FAT3: variants seen among roughly 807,000 people sequenced by gnomAD.
FAT3 encodes the protein FAT atypical cadherin 3.
FAT3 carries 95 observed loss-of-function variants against 310.2 expected under a neutral mutation model. The observed-to-expected ratio is 0.31, with a 90% CI of 0.26 to 0.36. The LOEUF is 0.36. Ranked by LOEUF, FAT3 falls within the 10% of genes least tolerant of loss-of-function variation. The pLI, the probability that FAT3 is intolerant of heterozygous loss-of-function variation, is 1.00. For missense variants in FAT3, 5,408 were observed against 5,715.6 expected (o/e 0.95, Z 1.74); for synonymous variants, 2,314 against 2,192.9 (o/e 1.06, Z -1.54).
At chr11:92,377,088 A>T (rs777188239) in intron 2 of FAT3, among the ~76,000 whole-genome samples, 53 of 152,216 alleles carry the variant, frequency 3.5e-4, no homozygotes, top group Non-Finnish European at 6.8e-4. Flanking sequence ...AGACCTGTAC[A>T]GTCTGTACGT....
At position 92,805,303 on chromosome 11, in the gene FAT3, A is replaced by G. The variant is rs1417191708; in HGVS notation, c.9047A>G (p.Glu3016Gly). ...CTTTTTGTCACACAGGCCATGGTGG[A>G]AGTGAGCGTCAGTGATGTGAATGAC... ...DGLFVTQAMV[E>G]VSVSDVNDNS... The change falls in exon 11 of 28, where the codon GAA becomes GGA. Residue 3016 changes from glutamate to glycine, a missense_variant. Physicochemically the swap from Glu to Gly is moderately conservative, Grantham distance 98. Coordinates refer to ENST00000525166, the MANE Select transcript of FAT3 (RefSeq NM_001367949.2). 3 of 1,613,668 alleles carry G rather than the reference A, an allele frequency of 1.9e-6. No homozygotes were observed. The highest frequency in any genetic ancestry group is 2.5e-6 in the Non-Finnish European group (3 of 1,179,816).
intron 22 of FAT3, among the ~76,000 whole-genome samples, chr11:92,874,374 A>G (rs954484405): frequency 2.6e-5 from 4 of 152,310 alleles, no homozygotes; most frequent in East Asian, 1.9e-4. Context: ...AAAATTGTCC[A>G]TCTCACTGTA....
intron 3 of FAT3, among the ~76,000 whole-genome samples, chr11:92,695,509 C>T (rs1943912165): frequency 1.3e-5 from 2 of 152,062 alleles, no homozygotes; most frequent in East Asian, 3.9e-4. Context: ...TATGAGTACA[C>T]ATGTCACACA....
intron 3 of FAT3, among the ~76,000 whole-genome samples, chr11:92,527,192 G>A (rs1165229977): frequency 2.0e-5 from 3 of 152,110 alleles, no homozygotes; most frequent in African/African-American, 7.2e-5. Context: ...TTCTAACTAC[G>A]AAACACCATA....
intron 2 of FAT3, among the ~76,000 whole-genome samples, chr11:92,389,700 A>C (rs1009114172): frequency 6.6e-6 from 1 of 152,148 alleles, no homozygotes; most frequent in African/African-American, 2.4e-5. Context: ...AGAAGTGAGG[A>C]AAATGGACTT....
At chr11:92,847,818 A>C (rs1206069458) in intron 19 of FAT3, among the ~76,000 whole-genome samples, 1 of 152,234 alleles carries the variant, frequency 6.6e-6, no homozygotes, top group Non-Finnish European at 1.5e-5. Context: ...AAATAAAAAT[A>C]CAACCATGAA....
intron 4 of FAT3, among the ~76,000 whole-genome samples, chr11:92,703,625 A>G (rs1307487938): frequency 6.6e-6 from 1 of 152,140 alleles, no homozygotes; most frequent in Non-Finnish European, 1.5e-5. Flanking sequence ...CATTCCTTCC[A>G]TTCTCTCATT....
chr11:92,773,738 G>A (rs570746802), intron 6 of FAT3, among the ~76,000 whole-genome samples: 1 of 152,240 alleles, frequency 6.6e-6, no homozygotes, highest in East Asian at 1.9e-4. Context: ...AAGTTGAAGG[G>A]CCTTTAGGTT....
intron 2 of FAT3, among the ~76,000 whole-genome samples, chr11:92,445,496 T>C (rs576194806): frequency 1.3e-5 from 2 of 152,256 alleles, no homozygotes; most frequent in East Asian, 1.9e-4. Context: ...GTCTGGCTTG[T>C]TGAAGCACAT....
At chr11:92,737,787 C>T (rs1425920228) in intron 4 of FAT3, among the ~76,000 whole-genome samples, 1 of 152,026 alleles carries the variant, frequency 6.6e-6, no homozygotes, top group Middle Eastern at 3.4e-3. Flanking sequence ...AAATGTATTA[C>T]TCACATAATG....
intron 3 of FAT3, among the ~76,000 whole-genome samples, chr11:92,638,071 T>C (rs901253642): frequency 1.3e-5 from 2 of 152,220 alleles, no homozygotes; most frequent in African/African-American, 4.8e-5. Flanking sequence ...CATGTGGAAG[T>C]CTGAATGTCA....
At chr11:92,290,177 A>T (rs75374882) in intron 1 of FAT3, among the ~76,000 whole-genome samples, 3,309 of 151,926 alleles carry the variant, frequency 0.022, 132 homozygotes, top group African/African-American at 0.075. Flanking sequence ...TGAATACCCT[A>T]TTGCCTGCCT....
chr11:92,617,867 G>A (rs570947091), intron 3 of FAT3, among the ~76,000 whole-genome samples: 18 of 152,100 alleles, frequency 1.2e-4, no homozygotes, highest in South Asian at 4.2e-4. Flanking sequence ...AGGGGCACCC[G>A]GCTCTATGAG....
intron 2 of FAT3, among the ~76,000 whole-genome samples, chr11:92,419,916 G>A (rs757721248): frequency 4.6e-5 from 7 of 152,136 alleles, no homozygotes; most frequent in Admixed American, 1.3e-4. Context: ...TAACCTCTTA[G>A]TGTCTTCGGG....
At chr11:92,694,591 A>G (rs1176773195) in intron 3 of FAT3, among the ~76,000 whole-genome samples, 17 of 152,156 alleles carry the variant, frequency 1.1e-4, no homozygotes, top group Admixed American at 1.1e-3. Flanking sequence ...TCATCAGGAG[A>G]GGAAGCTGAC....
intron 18 of FAT3, among the ~76,000 whole-genome samples, chr11:92,843,209 C>T (rs1385495251): frequency 6.6e-6 from 1 of 152,164 alleles, no homozygotes; most frequent in Non-Finnish European, 1.5e-5. Flanking sequence ...CCAGATCCCA[C>T]CTGGTCTGCA....
chr11:92,294,667 C>T (rs914356864), intron 1 of FAT3, among the ~76,000 whole-genome samples: 1 of 72,994 alleles, frequency 1.4e-5, no homozygotes, highest in South Asian at 3.5e-4. Context: ...CCTGATTTTG[C>T]CTTTTTTTTT....
chr11:92,835,478 A>G (rs1478005241), intron 15 of FAT3, among the ~76,000 whole-genome samples: 2 of 152,086 alleles, frequency 1.3e-5, no homozygotes, highest in Non-Finnish European at 2.9e-5. Flanking sequence ...CAGCATGATG[A>G]ATATAGTTAA....
intron 2 of FAT3, among the ~76,000 whole-genome samples, chr11:92,410,593 G>A (rs868400269): frequency 1.3e-5 from 2 of 152,054 alleles, no homozygotes; most frequent in South Asian, 2.1e-4. Context: ...TTTTGCTGCT[G>A]TACATTGTTG....
Sources: gnomAD v4.1 joint callset for allele counts (sites outside exome capture counted in the v4.1 genomes callset) on GRCh38, gnomAD v4.1.1 for gene constraint, MANE v1.5 for transcripts, NCBI Gene and HGNC (gene_info 2026-07-23, HGNC 2026-07-21) for gene names.